Variants in AKAP19 observed in about 807,000 individuals in gnomAD.
The protein encoded by AKAP19 is small A-kinase anchoring protein.
the AKAP19 span, among the ~76,000 whole-genome samples, chr2:190,187,099 GT>G: frequency 7.5e-4 from 114 of 152,042 alleles, no homozygotes; most frequent in Non-Finnish European, 1.4e-3. Flanking sequence ...CTCGAGTTAT[GT>G]TTTAATGAAT....
the AKAP19 span, among the ~76,000 whole-genome samples, chr2:190,020,325 T>C: frequency 6.6e-6 from 1 of 152,242 alleles, no homozygotes; most frequent in Admixed American, 6.5e-5. Flanking sequence ...CAAATCTTTA[T>C]ACTATTAAGA....
the AKAP19 span, among the ~76,000 whole-genome samples, chr2:190,100,267 G>A: frequency 6.6e-6 from 1 of 152,018 alleles, no homozygotes; most frequent in Non-Finnish European, 1.5e-5. Flanking sequence ...AAACCAGTAT[G>A]TGCCATGCCA....
chr2:189,890,386 G>A, the AKAP19 span, among the ~76,000 whole-genome samples: 1 of 152,192 alleles, frequency 6.6e-6, no homozygotes, highest in Non-Finnish European at 1.5e-5. Flanking sequence ...TGAGAAGAAT[G>A]TATATTCTGT....
At chr2:190,182,380 G>C in the AKAP19 span, among the ~76,000 whole-genome samples, 1 of 152,170 alleles carries the variant, frequency 6.6e-6, no homozygotes, top group South Asian at 2.1e-4. Context: ...GTTAAGAAAT[G>C]AAAGGTCTAA....
At chr2:190,193,105 T>TCA in the AKAP19 span, among the ~76,000 whole-genome samples, 1 of 152,132 alleles carries the variant, frequency 6.6e-6, no homozygotes, top group Non-Finnish European at 1.5e-5. Flanking sequence ...GTGTTGTCTT[T>TCA]CACCACTAAC....
chr2:190,067,285 A>G, the AKAP19 span, among the ~76,000 whole-genome samples: 1 of 152,200 alleles, frequency 6.6e-6, no homozygotes, highest in African/African-American at 2.4e-5. Flanking sequence ...TAGTATTATT[A>G]TGAAAACAGT....
the AKAP19 span, among the ~76,000 whole-genome samples, chr2:190,162,764 GTT>G: frequency 6.6e-6 from 1 of 152,016 alleles, no homozygotes; most frequent in African/African-American, 2.4e-5. Flanking sequence ...TTCCTTTGGA[GTT>G]TTCTTATTTA....
the AKAP19 span, among the ~76,000 whole-genome samples, chr2:190,138,645 C>T: frequency 5.9e-5 from 9 of 152,308 alleles, no homozygotes. Flanking sequence ...TTCCTCTGTG[C>T]CCTCAACCTT....
the AKAP19 span, among the ~76,000 whole-genome samples, chr2:189,976,229 A>T: frequency 1.3e-5 from 2 of 152,326 alleles, no homozygotes; most frequent in Admixed American, 6.5e-5. Context: ...CTGTTGGAGT[A>T]TGCTGGAGGT....
the AKAP19 span, among the ~76,000 whole-genome samples, chr2:189,995,379 C>G: frequency 6.6e-6 from 1 of 152,090 alleles, no homozygotes; most frequent in Admixed American, 6.6e-5. Flanking sequence ...TCCTCTTTGT[C>G]TTTTTTAACT....
At chr2:190,117,130 A>AG in the AKAP19 span, among the ~76,000 whole-genome samples, 1 of 152,318 alleles carries the variant, frequency 6.6e-6, no homozygotes, top group East Asian at 1.9e-4. Context: ...TTTACCAGCT[A>AG]GGCTCTGTTG....
chr2:189,893,633 T>G, the AKAP19 span, among the ~76,000 whole-genome samples: 1 of 152,170 alleles, frequency 6.6e-6, no homozygotes, highest in East Asian at 1.9e-4. Context: ...TTGATCTCAC[T>G]GGGAGCTGCA....
chr2:190,021,742 G>C, the AKAP19 span, among the ~76,000 whole-genome samples: 1 of 152,190 alleles, frequency 6.6e-6, no homozygotes. Context: ...CTGAAACTCT[G>C]TCAGATCTGC....
At chr2:190,075,447 T>A in the AKAP19 span, among the ~76,000 whole-genome samples, 13 of 152,322 alleles carry the variant, frequency 8.5e-5, 1 homozygote, top group East Asian at 1.7e-3. Flanking sequence ...CTGCTCCAAC[T>A]CTAATGATGA....
the AKAP19 span, among the ~76,000 whole-genome samples, chr2:189,955,349 T>C: frequency 2.6e-5 from 4 of 152,204 alleles, no homozygotes; most frequent in South Asian, 4.1e-4. Context: ...TACCATACTT[T>C]TAAAATCCAG....
the AKAP19 span, among the ~76,000 whole-genome samples, chr2:189,891,425 G>A: frequency 4.7e-5 from 7 of 148,368 alleles, no homozygotes; most frequent in African/African-American, 1.6e-4. Flanking sequence ...GGGTTTCACC[G>A]TGTTAGTCAG....
the AKAP19 span, among the ~76,000 whole-genome samples, chr2:189,970,495 C>A: frequency 2.0e-5 from 3 of 152,204 alleles, no homozygotes; most frequent in South Asian, 4.2e-4. Flanking sequence ...TGTATGTATT[C>A]TTCCACAGCT....
At chr2:190,006,511 G>A in the AKAP19 span, among the ~76,000 whole-genome samples, 4 of 152,022 alleles carry the variant, frequency 2.6e-5, no homozygotes, top group East Asian at 1.9e-4. Flanking sequence ...TTAGCTGGGC[G>A]TGATGGCGGG....
At chr2:190,132,225 G>A in the AKAP19 span, among the ~76,000 whole-genome samples, 5 of 152,112 alleles carry the variant, frequency 3.3e-5, no homozygotes, top group Admixed American at 6.6e-5. Context: ...ATTACAAAGC[G>A]ATCTACAGGT....
Sources: allele counts gnomAD v4.1 joint callset (sites outside exome capture counted in the v4.1 genomes callset), GRCh38; gene constraint gnomAD v4.1.1; transcripts MANE v1.5; gene names NCBI Gene and HGNC (gene_info 2026-07-23, HGNC 2026-07-21).